The following CHRNA5 variants were observed in gnomAD, a reference collection of about 807,000 sequenced individuals.
The protein encoded by CHRNA5 is neuronal acetylcholine receptor subunit alpha-5.
A neutral mutation model predicts 41.2 loss-of-function variants in CHRNA5; 28 were observed. That is an observed-to-expected ratio of 0.68 (90% CI 0.50 to 0.93). The LOEUF (loss-of-function observed/expected upper bound fraction) is 0.93, where lower values mean the gene tolerates loss of function less well. CHRNA5 is among the 40% of genes least tolerant of loss of function. CHRNA5 has a pLI of 0.00. For missense variants in CHRNA5, 481 were observed against 581.9 expected (o/e 0.83, Z 1.78); for synonymous variants, 188 against 205.8 (o/e 0.91, Z 0.74).
At chr15:78,586,531 A>G (rs2052963150) in intron 2 of CHRNA5, 114 bp from the exon 3 acceptor site, 1 of 623,876 alleles carries the variant, frequency 1.6e-6, no homozygotes, top group Non-Finnish European at 2.8e-6. Context: ...TGATGAATGA[A>G]ATGTGGGTAC....
intron 5 of CHRNA5, 63 bp downstream of exon 5, chr15:78,590,699 T>G: frequency 7.0e-7 from 1 of 1,428,266 alleles, no homozygotes; most frequent in Non-Finnish European, 9.5e-7. Context: ...GTTACTTTCA[T>G]TAATTTTGGC....
At chr15:78,585,664 CAG>C (rs985536169) in intron 2 of CHRNA5, among the ~76,000 whole-genome samples, 27 of 152,218 alleles carry the variant, frequency 1.8e-4, no homozygotes, top group African/African-American at 5.5e-4. Context: ...GACATGATAG[CAG>C]AGAGGTGTAA....
chr15:78,567,522 G>A (rs752994438), intron 1 of CHRNA5, among the ~76,000 whole-genome samples: 1 of 152,142 alleles, frequency 6.6e-6, no homozygotes, highest in African/African-American at 2.4e-5. Flanking sequence ...AAGTGAAATC[G>A]ATTAGTTCCT....
intron 1 of CHRNA5, among the ~76,000 whole-genome samples, chr15:78,572,770 C>G (rs910160007): frequency 1.3e-5 from 2 of 152,182 alleles, no homozygotes; most frequent in African/African-American, 4.8e-5. Flanking sequence ...GCGTGAACCA[C>G]CACACCTGGC....
chr15:78,587,234 G>A (rs977451551), intron 3 of CHRNA5, among the ~76,000 whole-genome samples: 1 of 152,138 alleles, frequency 6.6e-6, no homozygotes, highest in Non-Finnish European at 1.5e-5. Context: ...CATTCTAGTG[G>A]GGGAAAAATA....
At chr15:78,580,274 C>A (rs148518415) in intron 1 of CHRNA5, among the ~76,000 whole-genome samples, 2 of 81,664 alleles carry the variant, frequency 2.4e-5, no homozygotes, top group Admixed American at 2.1e-4. Context: ...GGCAGGACTC[C>A]GTCTCAAAAA....
intron 2 of CHRNA5, among the ~76,000 whole-genome samples, chr15:78,585,476 C>G (rs1258106780): frequency 6.6e-6 from 1 of 152,172 alleles, no homozygotes; most frequent in Non-Finnish European, 1.5e-5. Flanking sequence ...CCCCAGTTTC[C>G]TCATACTTCT....
intron 1 of CHRNA5, among the ~76,000 whole-genome samples, chr15:78,575,323 T>G (rs2052847197): frequency 6.6e-6 from 1 of 152,232 alleles, no homozygotes; most frequent in South Asian, 2.1e-4. Flanking sequence ...GGTATTCAAC[T>G]TAGTTTTTCT....
chr15:78,576,294 G>A (rs72740964), intron 1 of CHRNA5, among the ~76,000 whole-genome samples: 36,510 of 151,930 alleles, frequency 0.24, 5,767 homozygotes, highest in Middle Eastern at 0.4. Context: ...CCACAGGCGC[G>A]TGCTACACGC....
intron 5 of CHRNA5, 186 bp from the exon 6 acceptor site, chr15:78,592,906 G>A: frequency 2.0e-6 from 1 of 511,270 alleles, no homozygotes. Context: ...GTCTTTTAAA[G>A]CTTATATCTA....
In CHRNA5 at chr15:78,586,706, C is replaced by G. The variant is rs1398516669; in HGVS notation, c.303+17C>G. 6.3e-7 allele frequency: 1 copy of G among 1,588,156 alleles called. No homozygotes were observed. On this transcript the variant is annotated intron_variant, in intron 3 of 5. Transcript: ENST00000299565. ...TTGAAACAGGTATGTGTGTAAAATT[C>G]AAACGGGCACCCAATTAGTGACTGG...
At chr15:78,567,286 G>A (rs774091693) in intron 1 of CHRNA5, among the ~76,000 whole-genome samples, 77 of 151,084 alleles carry the variant, frequency 5.1e-4, no homozygotes, top group Non-Finnish European at 9.1e-4. Flanking sequence ...AAGAAATGGG[G>A]GTAATAATCA....
At chr15:78,567,207 C>T (rs1289647062) in intron 1 of CHRNA5, among the ~76,000 whole-genome samples, 3 of 150,328 alleles carry the variant, frequency 2.0e-5, no homozygotes, top group South Asian at 4.2e-4. Context: ...GAGCCGAGAT[C>T]GCGCCACTGC....
At chr15:78,594,608 G>C (rs971738411) in exon 6 of CHRNA5, 48 of 152,338 alleles carry the variant, frequency 3.2e-4, no homozygotes, top group African/African-American at 1.1e-3. Flanking sequence ...AACCTGGGAG[G>C]TGGAGGCTGC....
At chr15:78,591,468 T>C (rs1480649686) in intron 5 of CHRNA5, among the ~76,000 whole-genome samples, 1 of 152,024 alleles carries the variant, frequency 6.6e-6, no homozygotes, top group African/African-American at 2.4e-5. Context: ...TCTTCTATTG[T>C]GTATTATTTT....
intron 1 of CHRNA5, among the ~76,000 whole-genome samples, chr15:78,567,087 C>G (rs2052757122): frequency 6.6e-6 from 1 of 151,958 alleles, no homozygotes; most frequent in South Asian, 2.1e-4. Context: ...CCCGTCTCTA[C>G]TAAAAATACA....
chr15:78,580,934 G>T, exon 2 of CHRNA5: 1 of 1,613,932 alleles, frequency 6.2e-7, no homozygotes, highest in East Asian at 2.2e-5. Flanking sequence ...ATAAAATTTG[G>T]ACTTGCAATA....
chr15:78,576,220 C>T (rs2052855026), intron 1 of CHRNA5, among the ~76,000 whole-genome samples: 1 of 152,166 alleles, frequency 6.6e-6, no homozygotes, highest in South Asian at 2.1e-4. Context: ...AGTCTTGGCT[C>T]ACTGCAACCT....
chr15:78,587,745 G>T (rs371449509), intron 3 of CHRNA5, among the ~76,000 whole-genome samples: 13 of 152,188 alleles, frequency 8.5e-5, no homozygotes, highest in African/African-American at 3.1e-4. Flanking sequence ...CCTAACTGCT[G>T]TTGAGCGCTT....
Sources: allele counts gnomAD v4.1 joint callset (sites outside exome capture counted in the v4.1 genomes callset), GRCh38; gene constraint gnomAD v4.1.1; transcripts MANE v1.5; gene names NCBI Gene and HGNC (gene_info 2026-07-23, HGNC 2026-07-21).